Variants in OTUB1 observed in about 807,000 individuals in gnomAD.
OTUB1 encodes the protein ubiquitin thioesterase OTUB1.
Under a neutral mutation model 35.8 loss-of-function variants are expected in OTUB1, and 10 were observed. The ratio of observed to expected loss-of-function variants is 0.28; its 90% CI spans 0.17 to 0.47. The LOEUF is 0.47. Among genes scored for constraint, OTUB1 ranks in the 20% least tolerant of loss-of-function variants. The pLI, the probability that OTUB1 is intolerant of heterozygous loss-of-function variation, is 0.99. For synonymous variants in OTUB1, 158 were observed against 143.8 expected (o/e 1.10, Z -0.71); for missense variants, 264 against 351.6 (o/e 0.75, Z 1.99).
At chr11:63,991,795 A>G (rs977957167) in intron 3 of OTUB1, among the ~76,000 whole-genome samples, 1 of 152,190 alleles carries the variant, frequency 6.6e-6, no homozygotes, top group Non-Finnish European at 1.5e-5. Context: ...GGTACTGAAG[A>G]TAGAGCCATG....
Position 63,988,771 on chromosome 11 carries a change from C to A in OTUB1, c.219+19C>A. On this transcript the variant is annotated intron_variant, in intron 3 of 6. Transcript: ENST00000538426. ...GATCAAGGTGGGAGCCTGGCCAGAG[C>A]GGGTGGGAAGCACCCTGGGGGTGGG... The A allele has an allele frequency of 6.4e-7, 1 of 1,559,828 alleles. No homozygotes were observed. Among genetic ancestry groups the A allele is most frequent in the African/African-American group, 1.4e-5 (1 of 74,058 alleles).
Position 63,997,247 on chromosome 11 carries a change from G to A in OTUB1, c.618+3G>A, listed in dbSNP as rs369591477. On this transcript the variant is annotated splice_donor_region_variant and intron_variant, in intron 6 of 6. Coordinates refer to ENST00000538426, the MANE Select transcript of OTUB1 (RefSeq NM_017670.3). Reference sequence around the variant, plus strand: ...CTGTCAAGGAGTTCTGCCAGCAGGTGCCGTCCCCCTCCCCTTTACTCTCGG... The same window carrying A: ...CTGTCAAGGAGTTCTGCCAGCAGGTACCGTCCCCCTCCCCTTTACTCTCGG... 211 of 1,612,942 alleles carry A rather than the reference G, an allele frequency of 1.3e-4. No individual in the cohort carries two copies. Among genetic ancestry groups the A allele is most frequent in the Non-Finnish European group, 1.6e-4 (190 of 1,179,142 alleles).
At chr11:63,994,116 G>A (rs972452060) in intron 3 of OTUB1, among the ~76,000 whole-genome samples, 5 of 151,788 alleles carry the variant, frequency 3.3e-5, no homozygotes, top group African/African-American at 9.7e-5. Context: ...GACATAGAAA[G>A]CCCTGTCTCA....
At chr11:63,990,604 A>AAAAAAAAAAAAAAAAC (rs1942664383) in intron 3 of OTUB1, 1 of 146,914 alleles carries the variant, frequency 6.8e-6, no homozygotes, top group African/African-American at 2.7e-5. Flanking sequence ...AAAAAAATAA[A>AAAAAAAAAAAAAAAAC]TAAATAAATA....
chr11:63,996,526 G>A lies in OTUB1; in HGVS notation c.220-4G>A, dbSNP rs199601737. On this transcript the variant is annotated splice_region_variant and splice_polypyrimidine_tract_variant and intron_variant, in intron 3 of 6. Coordinates refer to ENST00000538426, the MANE Select transcript of OTUB1 (RefSeq NM_017670.3). Reference sequence around the variant, plus strand: ...AACCTGTCGGGGTGGGGCTGTCTCCGCAGGACCTCCACAAAAAGTACTCGT... The same window carrying A: ...AACCTGTCGGGGTGGGGCTGTCTCCACAGGACCTCCACAAAAAGTACTCGT... 93 of 1,613,986 alleles carry A rather than the reference G, an allele frequency of 5.8e-5. No individual in the cohort carries two copies. The highest frequency in any genetic ancestry group is 8.3e-5 in the Admixed American group (5 of 59,994).
chr11:63,987,076 C>T (rs320114), intron 1 of OTUB1: 25,208 of 152,836 alleles, frequency 0.16, 4,821 homozygotes, highest in African/African-American at 0.47. Flanking sequence ...CCCCTTTCCG[C>T]CTGCCTAGAC....
intron 3 of OTUB1, among the ~76,000 whole-genome samples, chr11:63,995,805 T>G (rs1942711610): frequency 6.7e-6 from 1 of 150,236 alleles, no homozygotes; most frequent in South Asian, 2.1e-4. Flanking sequence ...GCAAGATGGG[T>G]AGGGGAGAGG....
At chr11:63,994,901 T>C (rs1942703050) in intron 3 of OTUB1, among the ~76,000 whole-genome samples, 1 of 152,176 alleles carries the variant, frequency 6.6e-6, no homozygotes, top group African/African-American at 2.4e-5. Context: ...AGCAGAGAAA[T>C]TGAAGGGTAG....
intron 2 of OTUB1, 114 bp from the exon 3 acceptor site, chr11:63,988,540 G>C (rs931373656): frequency 1.9e-5 from 24 of 1,251,250 alleles, no homozygotes; most frequent in Non-Finnish European, 2.7e-5. Flanking sequence ...GTGCTTTTCT[G>C]GGGGTCGCTG....
At position 63,996,889 on chromosome 11, in the gene OTUB1, A is replaced by C. The variant is rs781684694; in HGVS notation, c.371A>C (p.Asp124Ala). ...FKAVSAKSKE[D>A]LVSQGFTEFT... ...GCTGTGTCTGCCAAGAGCAAGGAAG[A>C]CCTGGTGTCCCAGGGCTTCACTGAA... Residue 124 changes from aspartate to alanine, a missense_variant, in exon 5 of 7, where the codon GAC becomes GCC. By Grantham distance (126) the Asp-to-Ala change is moderately radical. This residue lies in a region of OTUB1 where 214 missense variants were observed against 317.1 expected (regional missense o/e 0.67). Coordinates refer to ENST00000538426, the MANE Select transcript of OTUB1 (RefSeq NM_017670.3). 13 of 1,614,094 alleles carry C rather than the reference A, an allele frequency of 8.1e-6. No homozygotes were observed. The highest frequency in any genetic ancestry group is 1.0e-5 in the Non-Finnish European group (12 of 1,179,952).
chr11:63,986,621 T>G (rs1942622515), intron 1 of OTUB1, 107 bp downstream of exon 1: 1 of 937,226 alleles, frequency 1.1e-6, no homozygotes, highest in East Asian at 2.8e-5. Context: ...GGGGTCGAGG[T>G]GCGCGAGGGG....
Position 63,996,477 on chromosome 11 carries a change from C to A in OTUB1, c.220-53C>A, listed in dbSNP as rs1942717671. 2.0e-5 allele frequency: 31 copies of A among 1,586,546 alleles called. 1 individual carries two copies. In the South Asian group the frequency reaches 3.4e-4, roughly 17 times the overall value. On this transcript the variant is annotated intron_variant, in intron 3 of 6. Transcript: ENST00000538426. ...CTTTGCTGGGGGACATTTCCTTGGC[C>A]AGCCCCCGTTCTGGCCTGATGTTAA...
intron 3 of OTUB1, 138 bp from the exon 4 acceptor site, chr11:63,996,385 GCCTGTTT>G: frequency 1.3e-6 from 1 of 797,332 alleles, no homozygotes; most frequent in Non-Finnish European, 2.0e-6. Flanking sequence ...ACATTCAGCA[GCCTGTTT>G]CAGGGACCCA....
Position 63,997,494 on chromosome 11 carries a change from C to T in OTUB1, c.764C>T (p.Pro255Leu). The change falls in exon 7 of 7, where the codon CCC becomes CTC. Residue 255 changes from proline to leucine, a missense_variant. Physicochemically the swap from Pro to Leu is moderately conservative, Grantham distance 98 (BLOSUM62 -3). This residue lies in a region of OTUB1 where 214 missense variants were observed against 317.1 expected (regional missense o/e 0.67). Transcript: ENST00000538426. ...CACATCTTCCCTGAGGGCTCCGAGC[C>T]CAAGGTCTACCTTCTCTACCGGCCT... ...NPHIFPEGSE[P>L]KVYLLYRPGH... is the part of the protein sequence containing the mutation. The T allele has an allele frequency of 6.2e-7, 1 of 1,614,118 alleles. No homozygotes were observed. Among genetic ancestry groups the T allele is most frequent in the Non-Finnish European group, 8.5e-7 (1 of 1,180,026 alleles).
chr11:63,994,410 G>A (rs757896441), intron 3 of OTUB1, among the ~76,000 whole-genome samples: 3 of 152,034 alleles, frequency 2.0e-5, no homozygotes, highest in Non-Finnish European at 4.4e-5. Flanking sequence ...GTGCCACCAC[G>A]CCCAGTTAAT....
intron 3 of OTUB1, among the ~76,000 whole-genome samples, chr11:63,991,357 C>T (rs1942671209): frequency 6.6e-6 from 1 of 152,182 alleles, no homozygotes; most frequent in South Asian, 2.1e-4. Context: ...TGGGACCCCC[C>T]ATGCCAAGGC....
At chr11:63,993,801 C>T (rs1043814547) in intron 3 of OTUB1, among the ~76,000 whole-genome samples, 3 of 152,114 alleles carry the variant, frequency 2.0e-5, no homozygotes, top group Non-Finnish European at 4.4e-5. Flanking sequence ...TCCCAAAACA[C>T]TGGGATTACA....
At chr11:63,987,316 C>T (rs1942630476) in intron 1 of OTUB1, among the ~76,000 whole-genome samples, 1 of 152,150 alleles carries the variant, frequency 6.6e-6, no homozygotes, top group Non-Finnish European at 1.5e-5. Context: ...TCATTCTCAC[C>T]GAACACTTGA....
rs750475835 is a variant in OTUB1, at chr11:63,997,099, T to C, written c.473T>C (p.Leu158Pro). The part of the protein sequence containing the change: ...QVEKQTSVAD[L>P]LASFNDQSTS... ...GAGAAGCAGACCTCTGTCGCCGACC[T>C]GCTGGCCTCCTTCAATGACCAGAGC... Residue 158 changes from leucine to proline, a missense_variant, in exon 6 of 7, where the codon CTG (leucine) becomes CCG (proline). Leu to Pro is a moderately conservative substitution (Grantham distance 98). Around this residue, in one of 2 missense-constraint regions of OTUB1, gnomAD observed 214 missense variants for 317.1 expected, o/e 0.67. Coordinates refer to ENST00000538426, the MANE Select transcript of OTUB1 (RefSeq NM_017670.3). The C allele has an allele frequency of 6.2e-7, 1 of 1,614,238 alleles. No individual in the cohort carries two copies. Among genetic ancestry groups the C allele is most frequent in the Non-Finnish European group, 8.5e-7 (1 of 1,180,034 alleles).
Sources: allele counts gnomAD v4.1 joint callset (sites outside exome capture counted in the v4.1 genomes callset), GRCh38; gene constraint gnomAD v4.1.1; regional missense constraint gnomAD v4.1.1; transcripts MANE v1.5; gene names NCBI Gene and HGNC (gene_info 2026-07-23, HGNC 2026-07-21).